The following HDAC5 variants were observed in gnomAD, a reference collection of about 807,000 sequenced individuals.
The protein encoded by HDAC5 is antigen NY-CO-9.
A neutral mutation model predicts 133.3 loss-of-function variants in HDAC5; 25 were observed. The ratio of observed to expected loss-of-function variants is 0.19; its 90% CI spans 0.14 to 0.26. The LOEUF is 0.26. HDAC5 is among the 10% of genes least tolerant of loss of function. The probability of loss-of-function intolerance (pLI) is 1.00; values close to 1 mark genes in which losing one functional copy is unlikely to be tolerated. For missense variants in HDAC5, 1,041 were observed against 1,460.5 expected, an observed-to-expected ratio of 0.71 and a Z score of 4.68; for synonymous variants, 589 against 610.8, an observed-to-expected ratio of 0.96 and a Z score of 0.53.
intron 3 of HDAC5, among the ~76,000 whole-genome samples, chr17:44,108,401 G>A (rs1462991628): frequency 6.6e-6 from 1 of 152,160 alleles, no homozygotes; most frequent in South Asian, 2.1e-4. Context: ...CTGGGCAATG[G>A]CAACAACCAA....
chr17:44,084,477 G>A, intron 16 of HDAC5, 78 bp downstream of exon 16: 1 of 1,567,688 alleles, frequency 6.4e-7, no homozygotes, highest in Middle Eastern at 1.7e-4. Flanking sequence ...TCCTAGCCTG[G>A]TCAGGCAGTC....
At chr17:44,087,930 G>A (rs569955672) in intron 12 of HDAC5, among the ~76,000 whole-genome samples, 22 of 151,578 alleles carry the variant, frequency 1.5e-4, no homozygotes, top group African/African-American at 4.6e-4. Context: ...TGCAACCTCC[G>A]CCTTCCAAAT....
chr17:44,103,928 G>A (rs938820280), intron 3 of HDAC5, among the ~76,000 whole-genome samples: 14 of 151,698 alleles, frequency 9.2e-5, no homozygotes, highest in Non-Finnish European at 2.1e-4. Flanking sequence ...GGCTGGTTTC[G>A]AAGCCCTGAC....
rs1025303354 is a variant in HDAC5 at position 44,117,845 on chromosome 17, C to G, written c.-189-141G>C. 10 of 562,162 alleles carry G rather than the reference C, an allele frequency of 1.8e-5. No individual in the cohort carries two copies. The East Asian group carries it at 2.9e-4, about 16-fold the overall frequency. 34.8% of individuals were successfully genotyped at this position (562,162 alleles called of 1,614,324 possible). ...TGCCCACAGCCACAGGAGAAATCTGCAGAACTGGATAGACCCTGGTTTCTT... is the reference window on the plus strand; with the variant it reads ...TGCCCACAGCCACAGGAGAAATCTGGAGAACTGGATAGACCCTGGTTTCTT... On this transcript the variant is annotated intron_variant, in intron 1 of 26. Coordinates refer to ENST00000682912, the MANE Select transcript of HDAC5 (RefSeq NM_005474.5). This position sits in a 1 kb window ranked among gnomAD's most constrained non-coding sequence, Gnocchi z 4.2.
At chr17:44,120,408 G>A (rs1011532348) in intron 1 of HDAC5, 1 of 152,194 alleles carries the variant, frequency 6.6e-6, no homozygotes, top group African/African-American at 2.4e-5. Flanking sequence ...AGTCTTGGGA[G>A]TCTGAGATTG....
chr17:44,102,013 A>C (rs1446582440), intron 3 of HDAC5, among the ~76,000 whole-genome samples: 3 of 152,220 alleles, frequency 2.0e-5, no homozygotes, highest in Non-Finnish European at 2.9e-5. Flanking sequence ...AGTATTTACA[A>C]AAAACAAAGC....
chr17:44,103,612 G>A (rs2051752303), intron 3 of HDAC5, among the ~76,000 whole-genome samples: 1 of 152,142 alleles, frequency 6.6e-6, no homozygotes, highest in Non-Finnish European at 1.5e-5. Flanking sequence ...CAAGAGGTGC[G>A]AGGCAGGGCT....
At position 44,092,386 on chromosome 17, in the gene HDAC5, G is replaced by A. The variant is rs1040633984; in HGVS notation, c.914C>T (p.Pro305Leu). Residue 305 changes from proline (P) to leucine (L), a missense_variant, in exon 8 of 27, where the codon CCT becomes CTT. By Grantham distance (98) the Pro-to-Leu change is moderately conservative (BLOSUM62 -3). Transcript: ENST00000682912. ...TACATGAGAGCAGCCCTTACCCCCA[G>A]GCCCGGCACCTGTGATCTCAACAGC... is the stretch of plus-strand genomic sequence containing the variant. ...KRAVEITGAG[P>L]GASSVCNSAP... The A allele has an allele frequency of 6.2e-7, 1 of 1,612,428 alleles. No homozygotes were observed.
At chr17:44,095,704 G>C (rs1323971265) in intron 3 of HDAC5, among the ~76,000 whole-genome samples, 1 of 152,088 alleles carries the variant, frequency 6.6e-6, no homozygotes, top group Non-Finnish European at 1.5e-5. Context: ...GCTGTGCCTG[G>C]GGGGAGGGGG....
intron 1 of HDAC5, among the ~76,000 whole-genome samples, chr17:44,122,209 T>C (rs2053052874): frequency 6.6e-6 from 1 of 151,764 alleles, no homozygotes; most frequent in South Asian, 2.1e-4. Context: ...AGGCTCAGGG[T>C]GCCTAGGACT....
Position 44,080,536 on chromosome 17 carries a change from C to T in HDAC5, c.2728-38G>A, listed in dbSNP as rs544385724. Reference sequence around the variant, plus strand: ...TTGGGGAGAGGGCTATTCTCACCACCTGGGAGTCCCAAACATTGCCCCTGC... The same window carrying T: ...TTGGGGAGAGGGCTATTCTCACCACTTGGGAGTCCCAAACATTGCCCCTGC... On this transcript the variant is annotated intron_variant, in intron 21 of 26. Coordinates refer to ENST00000682912, the MANE Select transcript of HDAC5 (RefSeq NM_005474.5). 1.3e-6 allele frequency: 2 copies of T among 1,598,466 alleles called. 1 individual carries two copies. Among genetic ancestry groups the T allele is most frequent in the South Asian group, 2.2e-5 (2 of 90,782 alleles).
intron 3 of HDAC5, among the ~76,000 whole-genome samples, chr17:44,103,752 A>G (rs2051763464): frequency 1.3e-5 from 2 of 148,220 alleles, no homozygotes; most frequent in African/African-American, 5.0e-5. Flanking sequence ...CTTGTTGCCC[A>G]GGCTGGAGTG....
Position 44,117,757 on chromosome 17 carries a change from C to G in HDAC5, c.-189-53G>C, listed in dbSNP as rs751887128. The G allele has an allele frequency of 5.0e-6, 3 of 598,284 alleles. No homozygotes were observed. The highest frequency in any genetic ancestry group is 9.0e-6 in the Non-Finnish European group (3 of 334,092). 37.1% of individuals were successfully genotyped at this position (598,284 alleles called of 1,614,324 possible). Reference sequence around the variant, plus strand: ...GCCCCTAACTCAGGAATCTGAGAGTCGAAGGAGACCTTGGAGCTCATCAGT... The same window carrying G: ...GCCCCTAACTCAGGAATCTGAGAGTGGAAGGAGACCTTGGAGCTCATCAGT... On this transcript the variant is annotated intron_variant, in intron 1 of 26. Transcript: ENST00000682912. This position sits in a 1 kb window ranked among gnomAD's most constrained non-coding sequence, Gnocchi z 4.2.
At chr17:44,097,609 G>T (rs1222749424) in intron 3 of HDAC5, among the ~76,000 whole-genome samples, 3 of 152,356 alleles carry the variant, frequency 2.0e-5, no homozygotes, top group South Asian at 4.1e-4. Flanking sequence ...TGGCCGGAGG[G>T]TTATCTGTTC....
intron 2 of HDAC5, 130 bp from the exon 3 acceptor site, chr17:44,110,930 CG>C: frequency 1.3e-6 from 1 of 743,890 alleles, no homozygotes. Context: ...GGAAGGTGGT[CG>C]GGCAGCCCGC....
At chr17:44,091,913 G>C in intron 9 of HDAC5, 82 bp from the exon 10 acceptor site, 1 of 1,464,000 alleles carries the variant, frequency 6.8e-7, no homozygotes, top group Non-Finnish European at 9.1e-7. Context: ...CCAAGGCCAA[G>C]GTCTCTGAAT....
At chr17:44,095,558 T>C (rs2051216039) in intron 3 of HDAC5, among the ~76,000 whole-genome samples, 1 of 151,090 alleles carries the variant, frequency 6.6e-6, no homozygotes, top group South Asian at 2.1e-4. Context: ...GGAAAGGGGG[T>C]GCAGGGCTGC....
At chr17:44,110,943 C>A (rs228767) in intron 2 of HDAC5, 143 bp from the exon 3 acceptor site, 10 of 678,994 alleles carry the variant, frequency 1.5e-5, no homozygotes, top group Non-Finnish European at 1.8e-5. Context: ...GCAGCCCGCA[C>A]AGCACAGGTT....
chr17:44,082,060 G>A (rs1321622143), intron 20 of HDAC5: 4 of 152,876 alleles, frequency 2.6e-5, no homozygotes, highest in Non-Finnish European at 5.8e-5. Flanking sequence ...AGCACCCATG[G>A]TAGCAAGAGC....
Sources: gnomAD v4.1 joint callset for allele counts (sites outside exome capture counted in the v4.1 genomes callset) on GRCh38, gnomAD v4.1.1 for gene constraint, Gnocchi (gnomAD v3.1) non-coding constraint, MANE v1.5 for transcripts, NCBI Gene and HGNC (gene_info 2026-07-23, HGNC 2026-07-21) for gene names.